TRIML1: variants seen among roughly 807,000 people sequenced by gnomAD.
TRIML1 encodes the protein tripartite motif family like 1.
A neutral mutation model predicts 32.3 loss-of-function variants in TRIML1; 34 were observed. The observed-to-expected ratio is 1.05, with a 90% CI of 0.80 to 1.40. The LOEUF is 1.40. TRIML1 is among the 40% of genes most tolerant of loss of function. The pLI is 0.00. For synonymous variants in TRIML1, 244 were observed against 226.6 expected (o/e 1.08, Z -0.69); for missense variants, 595 against 574.9 (o/e 1.03, Z -0.36).
downstream of TRIML1, among the ~76,000 whole-genome samples, chr4:188,148,494 C>CA (rs1335930105): frequency 3.3e-5 from 5 of 150,056 alleles, no homozygotes; most frequent in African/African-American, 9.8e-5. Flanking sequence ...AACTCCATCT[C>CA]AAAAAAAAAG....
downstream of TRIML1, among the ~76,000 whole-genome samples, chr4:188,150,418 C>T (rs111912192): frequency 4.5e-4 from 69 of 152,258 alleles, 1 homozygote; most frequent in African/African-American, 1.2e-3. Flanking sequence ...CGTGAGCCAC[C>T]GCACCTGGGC....
downstream of TRIML1, among the ~76,000 whole-genome samples, chr4:188,150,411 G>C (rs1163984922): frequency 1.3e-5 from 2 of 152,172 alleles, no homozygotes; most frequent in African/African-American, 2.4e-5. Flanking sequence ...TTACAGGCGT[G>C]AGCCACCGCA....
chr4:188,141,207 G>A (rs1200718839), intron 2 of TRIML1, among the ~76,000 whole-genome samples: 4 of 129,504 alleles, frequency 3.1e-5, no homozygotes, highest in African/African-American at 1.2e-4. Flanking sequence ...TCTCTCTGTC[G>A]CCCAGGCTGG....
chr4:188,139,747 G>A lies in TRIML1; in HGVS notation c.189G>A (p.Pro63=), dbSNP rs147444946. 201 of 1,613,906 alleles carry A rather than the reference G, an allele frequency of 1.2e-4. No homozygotes were observed. In the African/African-American group the frequency reaches 1.8e-3, roughly 15 times the overall value. Residue 63 remains proline, a synonymous_variant, in exon 1 of 6, where the codon CCG becomes CCA. Coordinates refer to ENST00000332517, the MANE Select transcript of TRIML1 (RefSeq NM_178556.5). ...AGTGCTGGAGGACCTTGGAGGGCCC[G>A]CATTTCCAGTCAAACGAGCGTCTGG... ...CPECWRTLEG[P]HFQSNERLGR... is the part of the protein sequence containing the mutation.
intron 5 of TRIML1, among the ~76,000 whole-genome samples, chr4:188,144,620 C>T (rs1010180945): frequency 2.0e-5 from 3 of 151,774 alleles, no homozygotes; most frequent in African/African-American, 4.8e-5. Context: ...CCTCGGCCTC[C>T]CAAAGTGCTG....
At chr4:188,148,279 A>C (rs1447134199), downstream of TRIML1, among the ~76,000 whole-genome samples, 1 of 151,980 alleles carries the variant, frequency 6.6e-6, no homozygotes, top group Non-Finnish European at 1.5e-5. Context: ...GGATTACCTG[A>C]GGTTGGGAGT....
At chr4:188,144,803 T>C (rs1351613329) in intron 5 of TRIML1, among the ~76,000 whole-genome samples, 1 of 152,126 alleles carries the variant, frequency 6.6e-6, no homozygotes, top group African/African-American at 2.4e-5. Flanking sequence ...AATTCTAAAA[T>C]CCCAGTGAGG....
At chr4:188,142,184 C>T in intron 2 of TRIML1, 68 bp from the exon 3 acceptor site, 1 of 1,115,276 alleles carries the variant, frequency 9.0e-7, no homozygotes. Flanking sequence ...CAGACAAGGG[C>T]ATTTCTCTTA....
chr4:188,145,166 G>A (rs1056127698), intron 5 of TRIML1, among the ~76,000 whole-genome samples: 11 of 151,994 alleles, frequency 7.2e-5, no homozygotes, highest in South Asian at 4.2e-4. Context: ...GGCCGGGTGC[G>A]GTGGCTCACG....
upstream of TRIML1, among the ~76,000 whole-genome samples, chr4:188,137,417 C>T (rs1734691042): frequency 6.7e-6 from 1 of 149,768 alleles, no homozygotes; most frequent in South Asian, 2.1e-4. Flanking sequence ...ATTCTCCTGC[C>T]TCAGCCTCCC....
intron 5 of TRIML1, among the ~76,000 whole-genome samples, chr4:188,145,184 T>C (rs1404594757): frequency 1.3e-5 from 2 of 151,980 alleles, no homozygotes; most frequent in Admixed American, 1.3e-4. Context: ...ACGCTTGTAA[T>C]CCCAGCACTT....
Position 188,139,981 on chromosome 4 carries a change from C to A in TRIML1, c.408+15C>A. 1 of 1,583,510 alleles carries A rather than the reference C, an allele frequency of 6.3e-7. No homozygotes were observed. Among genetic ancestry groups the A allele is most frequent in the South Asian group, 1.2e-5 (1 of 86,890 alleles). ...AGCATCACAGAGTAAGACAGCTGCT[C>A]AGCATGAACCCCACGACTCATCGCA... is the stretch of plus-strand genomic sequence containing the variant. On this transcript the variant is annotated intron_variant, in intron 1 of 5. Transcript: ENST00000332517.
intron 3 of TRIML1, 115 bp downstream of exon 3, chr4:188,142,597 G>A: frequency 2.5e-6 from 2 of 784,480 alleles, no homozygotes; most frequent in East Asian, 5.6e-5. Flanking sequence ...TGGTCCAAAA[G>A]TAGTTTTCCT....
Position 188,147,018 on chromosome 4 carries a change from C to T in TRIML1, c.1053C>T (p.Thr351=), listed in dbSNP as rs537044360. The T allele has an allele frequency of 5.4e-5, 86 of 1,602,428 alleles. No individual in the cohort carries two copies. The South Asian group carries it at 7.1e-4, about 13-fold the overall frequency. The part of the protein sequence containing the change: ...HYWEVEVGNK[T]EWEVGICKDS... Reference sequence around the variant, plus strand: ...GGGAGGTGGAGGTGGGAAACAAGACCGAGTGGGAAGTGGGCATCTGCAAGG... The same window carrying T: ...GGGAGGTGGAGGTGGGAAACAAGACTGAGTGGGAAGTGGGCATCTGCAAGG... Residue 351 remains threonine, a synonymous_variant, in exon 6 of 6, where the codon ACC becomes ACT. Transcript: ENST00000332517.
downstream of TRIML1, among the ~76,000 whole-genome samples, chr4:188,148,871 G>C (rs1560976001): frequency 6.9e-6 from 1 of 145,776 alleles, no homozygotes; most frequent in Non-Finnish European, 1.5e-5. Flanking sequence ...CAAAGTGCTA[G>C]GATTACAGGT....
intron 5 of TRIML1, among the ~76,000 whole-genome samples, chr4:188,146,192 C>T (rs58204495): frequency 0.045 from 6,712 of 148,112 alleles, 293 homozygotes; most frequent in African/African-American, 0.11. Context: ...TAATATGATG[C>T]GAACAACCAA....
At chr4:188,150,234 C>G (rs533341066), downstream of TRIML1, among the ~76,000 whole-genome samples, 1 of 152,114 alleles carries the variant, frequency 6.6e-6, no homozygotes, top group Admixed American at 6.6e-5. Context: ...TCAAGTAATT[C>G]TCCTGCCTCA....
rs568217459 is a variant in TRIML1, at chr4:188,144,507, C to T, written c.856+374C>T. Among the ~76,000 whole-genome samples, 110 of 143,988 alleles carry T rather than the reference C, an allele frequency of 7.6e-4. 1 individual carries two copies. The highest frequency in any genetic ancestry group is 1.6e-3 in the African/African-American group (63 of 39,560). 94.5% of individuals were successfully genotyped at this position (143,988 alleles called of 152,430 possible). A position where few individuals can be genotyped will look rare whatever the true frequency, so the allele number is the denominator to read the frequency against. On this transcript the variant is annotated intron_variant, in intron 5 of 5. Transcript: ENST00000332517. ...CCTCCCGAGTAGCTGGGACTACAGG[C>T]GCCCGCCACCACGCCTGGGTAATTT...
chr4:188,137,295 C>CTTTTTTTT (rs67050879), upstream of TRIML1, among the ~76,000 whole-genome samples: 14 of 58,784 alleles, frequency 2.4e-4, no homozygotes, highest in South Asian at 7.5e-4. Flanking sequence ...TTATTGTAGT[C>CTTTTTTTT]TTTTTTTTTT....
Sources: allele counts gnomAD v4.1 joint callset (sites outside exome capture counted in the v4.1 genomes callset), GRCh38; gene constraint gnomAD v4.1.1; transcripts MANE v1.5; gene names NCBI Gene and HGNC (gene_info 2026-07-23, HGNC 2026-07-21).